The following ARHGEF38 variants were observed in gnomAD, a reference collection of about 807,000 sequenced individuals.
The protein encoded by ARHGEF38 is Rho guanine nucleotide exchange factor 38, also known as Rho guanine nucleotide exchange factor (GEF) 38.
In ARHGEF38, 79 loss-of-function variants were observed where a neutral mutation model predicts 79.9. The observed-to-expected ratio is 0.99, with a 90% confidence interval of 0.82 to 1.19. The LOEUF (loss-of-function observed/expected upper bound fraction) is 1.19. ARHGEF38 is among the 50% of genes most tolerant of loss of function. The pLI is 0.00. For missense variants in ARHGEF38, 962 were observed against 907.2 expected, an observed-to-expected ratio of 1.06 and a Z score of -0.78; for synonymous variants, 366 against 328.3, an observed-to-expected ratio of 1.11 and a Z score of -1.24.
At chr4:105,561,462 A>G (rs1404210039) in intron 1 of ARHGEF38, 1 of 86,982 alleles carries the variant, frequency 1.1e-5, no homozygotes, top group East Asian at 3.6e-4. Context: ...ATAGAATAGA[A>G]TAGAATAGAA....
chr4:105,654,199 C>A, intron 8 of ARHGEF38, 30 bp downstream of exon 8: 1 of 1,259,394 alleles, frequency 7.9e-7, no homozygotes, highest in Non-Finnish European at 1.1e-6. Context: ...TTTCAGTGTT[C>A]TACAGGAACA....
Position 105,631,245 on chromosome 4 carries a change from A to C in ARHGEF38, c.656+200A>C, listed in dbSNP as rs529138678. 2.4e-5 allele frequency: 30 copies of C among 1,245,258 alleles called. No homozygotes were observed. The Middle Eastern group carries it at 8.7e-4, about 36-fold the overall frequency. The allele number at this position is 1,245,258 out of a possible 1,614,324, so 77.1% of individuals were successfully genotyped here. A position where few individuals can be genotyped will look rare whatever the true frequency, so the allele number is the denominator to read the frequency against. On this transcript the variant is annotated intron_variant, in intron 4 of 13. Transcript: ENST00000420470. Reference sequence around the variant, plus strand: ...TTTTTTCCCCCTGCGAGAATGACTAAAAATAACATGGAAGAAGATTTAGAG... The same window carrying C: ...TTTTTTCCCCCTGCGAGAATGACTACAAATAACATGGAAGAAGATTTAGAG...
At chr4:105,562,397 T>C (rs1224552359) in intron 1 of ARHGEF38, among the ~76,000 whole-genome samples, 4 of 152,254 alleles carry the variant, frequency 2.6e-5, no homozygotes, top group Non-Finnish European at 5.9e-5. Flanking sequence ...ATCCAGTGAA[T>C]AATTACAACT....
intron 1 of ARHGEF38, among the ~76,000 whole-genome samples, chr4:105,572,056 T>C (rs1202856742): frequency 6.6e-6 from 1 of 152,242 alleles, no homozygotes; most frequent in Non-Finnish European, 1.5e-5. Flanking sequence ...TATTCAGTTA[T>C]GCTGTTTACT....
chr4:105,645,097 G>A (rs1729780785), intron 5 of ARHGEF38, 91 bp from the exon 6 acceptor site: 3 of 972,760 alleles, frequency 3.1e-6, no homozygotes, highest in East Asian at 6.1e-5. Flanking sequence ...AAGAGAAAAT[G>A]TTTTAGAAGT....
At chr4:105,671,597 G>A (rs1443780792) in intron 13 of ARHGEF38, among the ~76,000 whole-genome samples, 1 of 152,158 alleles carries the variant, frequency 6.6e-6, no homozygotes, top group Non-Finnish European at 1.5e-5. Flanking sequence ...AGAAGAAAGT[G>A]ATTAACCTCT....
rs1179350539 is a variant in ARHGEF38, at chr4:105,651,785, G to A, written c.1009-2280G>A. 3.9e-5 allele frequency among the ~76,000 whole-genome samples: 6 copies of A among 152,130 alleles called. No homozygotes were observed. In the East Asian group the frequency reaches 1.2e-3, roughly 29 times the overall value. ...TCCTTTCACCTCAGCCTCTCAAGTAGCGCAGACTACAAGCGTGTGCCACTG... is the reference window on the plus strand; with the variant it reads ...TCCTTTCACCTCAGCCTCTCAAGTAACGCAGACTACAAGCGTGTGCCACTG... On this transcript the variant is annotated intron_variant, in intron 7 of 13. Coordinates refer to ENST00000420470, the MANE Select transcript of ARHGEF38 (RefSeq NM_001242729.2).
Position 105,669,340 on chromosome 4 carries a change from C to T in ARHGEF38, c.2148+1637C>T, listed in dbSNP as rs140219943. 2.2e-3 allele frequency among the ~76,000 whole-genome samples: 342 copies of T among 152,172 alleles called. 2 individuals are homozygous for T. The highest frequency in any genetic ancestry group is 7.6e-3 in the African/African-American group (316 of 41,526). On this transcript the variant is annotated intron_variant, in intron 13 of 13. Coordinates refer to ENST00000420470, the MANE Select transcript of ARHGEF38 (RefSeq NM_001242729.2). ...TCAGCCTAATAATAGATACATAGAA[C>T]GTTTTGGGCTTTTAAAAAATTTCAA...
intron 6 of ARHGEF38, among the ~76,000 whole-genome samples, chr4:105,647,461 C>T (rs980162180): frequency 1.3e-5 from 2 of 152,024 alleles, no homozygotes; most frequent in Non-Finnish European, 2.9e-5. Flanking sequence ...ATTTATTAAA[C>T]TATTTCTCTA....
intron 6 of ARHGEF38, among the ~76,000 whole-genome samples, chr4:105,647,522 T>C (rs1729900876): frequency 1.3e-5 from 2 of 152,232 alleles, no homozygotes; most frequent in South Asian, 2.1e-4. Flanking sequence ...AAAAAAATAC[T>C]CTAACAAATA....
At chr4:105,655,511 A>G in intron 8 of ARHGEF38, 92 bp from the exon 9 acceptor site, 2 of 1,285,218 alleles carry the variant, frequency 1.6e-6, no homozygotes, top group Non-Finnish European at 2.1e-6. Flanking sequence ...AGTGATAATT[A>G]AGGGTTATGC....
At chr4:105,614,551 G>C (rs907354615) in intron 3 of ARHGEF38, among the ~76,000 whole-genome samples, 1 of 152,146 alleles carries the variant, frequency 6.6e-6, no homozygotes, top group Non-Finnish European at 1.5e-5. Flanking sequence ...AATGAGGAAA[G>C]CTGATCAAAG....
chr4:105,553,293 A>G (rs1725088339), intron 1 of ARHGEF38, among the ~76,000 whole-genome samples: 1 of 152,160 alleles, frequency 6.6e-6, no homozygotes, highest in African/African-American at 2.4e-5. Context: ...AACACTGGAA[A>G]GCAAATGAGT....
chr4:105,670,411 G>T (rs1264434949), intron 13 of ARHGEF38, among the ~76,000 whole-genome samples: 4 of 151,472 alleles, frequency 2.6e-5, no homozygotes, highest in South Asian at 2.1e-4. Flanking sequence ...TTTTTTCATG[G>T]GCTCATTTGC....
rs113590589 is a variant in ARHGEF38, at chr4:105,669,121, G to A, written c.2148+1418G>A. 5.9e-3 allele frequency among the ~76,000 whole-genome samples: 898 copies of A among 152,208 alleles called. 11 individuals are homozygous for A. The highest frequency in any genetic ancestry group is 0.021 in the African/African-American group (864 of 41,524). On this transcript the variant is annotated intron_variant, in intron 13 of 13. Transcript: ENST00000420470. ...CCTTGTCCTGTGCTTCAGAGACAAT[G>A]CTTGGGTATATCCTTTGTATATTCT...
intron 13 of ARHGEF38, among the ~76,000 whole-genome samples, chr4:105,674,034 G>C (rs1310326250): frequency 6.6e-6 from 1 of 152,036 alleles, no homozygotes; most frequent in Non-Finnish European, 1.5e-5. Flanking sequence ...GCTGTTAATT[G>C]GAGAATTGGG....
intron 3 of ARHGEF38, among the ~76,000 whole-genome samples, chr4:105,619,596 GA>G (rs1728657079): frequency 6.6e-6 from 1 of 152,082 alleles, no homozygotes; most frequent in Non-Finnish European, 1.5e-5. Flanking sequence ...ACTTGATTTG[GA>G]AGTGGTTTTT....
At chr4:105,651,917 A>G (rs1196725394) in intron 7 of ARHGEF38, among the ~76,000 whole-genome samples, 1 of 152,170 alleles carries the variant, frequency 6.6e-6, no homozygotes, top group East Asian at 1.9e-4. Context: ...TTTTCTAAAC[A>G]TATTGTTTTC....
Position 105,645,319 on chromosome 4 carries a change from A to G in ARHGEF38, c.806A>G (p.Asp269Gly). Residue 269 changes from aspartate (D) to glycine (G), a missense_variant, in exon 6 of 14, where the codon GAC becomes GGC. Physicochemically the swap from Asp to Gly is moderately conservative, Grantham distance 94 (BLOSUM62 -1). Coordinates refer to ENST00000420470, the MANE Select transcript of ARHGEF38 (RefSeq NM_001242729.2). ...TCTCACCCAGATTACAGAGCACTGG[A>G]CGATGCCTTTGCTGCTGTGAAGGAC... The part of the protein sequence containing the change: ...PPSHPDYRAL[D>G]DAFAAVKDIN... 6.5e-7 allele frequency: 1 copy of G among 1,536,442 alleles called. No homozygotes were observed. The highest frequency in any genetic ancestry group is 8.7e-7 in the Non-Finnish European group (1 of 1,146,908).
Sources: allele counts gnomAD v4.1 joint callset (sites outside exome capture counted in the v4.1 genomes callset), GRCh38; gene constraint gnomAD v4.1.1; transcripts MANE v1.5; gene names NCBI Gene and HGNC (gene_info 2026-07-23, HGNC 2026-07-21).